PCNX2: variants seen among roughly 807,000 people sequenced by gnomAD.
PCNX2 encodes pecanex 2.
PCNX2 carries 168 observed loss-of-function variants against 223.8 expected under a neutral mutation model. The observed-to-expected ratio is 0.75, with a 90% CI of 0.66 to 0.85. The LOEUF (loss-of-function observed/expected upper bound fraction) is 0.85. PCNX2 is among the 40% of genes least tolerant of loss of function. PCNX2 has a pLI of 0.00. For synonymous variants in PCNX2, 1,006 were observed against 1,052.6 expected (o/e 0.96, Z 0.86); for missense variants, 2,507 against 2,675.5 (o/e 0.94, Z 1.39).
At chr1:233,168,682 A>AT (rs925899889) in intron 17 of PCNX2, among the ~76,000 whole-genome samples, 2 of 151,788 alleles carry the variant, frequency 1.3e-5, no homozygotes, top group Non-Finnish European at 1.5e-5. Flanking sequence ...TTATATACTA[A>AT]TTTTTTTTCA....
intron 1 of PCNX2, among the ~76,000 whole-genome samples, chr1:233,284,050 T>C (rs1490631375): frequency 2.0e-5 from 3 of 152,212 alleles, no homozygotes; most frequent in Non-Finnish European, 2.9e-5. Context: ...TAACTCATTT[T>C]AGAATAAGAA....
Position 233,134,822 on chromosome 1 carries a change from T to C in PCNX2, c.3837+191A>G, listed in dbSNP as rs1676714662. On this transcript the variant is annotated intron_variant, in intron 21 of 33. Coordinates refer to ENST00000258229, the MANE Select transcript of PCNX2 (RefSeq NM_014801.4). ...ATTTTAATTAGTGATTTTTAGCAAA[T>C]AACATGGCATACTTACATTCCATGG... The C allele has an allele frequency of 2.9e-5, 17 of 585,626 alleles. No homozygotes were observed. In the South Asian group the frequency reaches 3.9e-4, roughly 14 times the overall value. The allele number at this position is 585,626 out of a possible 1,614,324, so 36.3% of individuals were successfully genotyped here. A position where few individuals can be genotyped will look rare whatever the true frequency, so the allele number is the denominator to read the frequency against.
chr1:233,151,352 C>T (rs1677797602), intron 19 of PCNX2, among the ~76,000 whole-genome samples: 2 of 152,232 alleles, frequency 1.3e-5, no homozygotes, highest in African/African-American at 2.4e-5. Flanking sequence ...CCGACTGCAG[C>T]TGAGAACTAA....
intron 10 of PCNX2, among the ~76,000 whole-genome samples, chr1:233,221,306 G>A (rs934221323): frequency 2.0e-5 from 3 of 151,574 alleles, no homozygotes; most frequent in African/African-American, 7.3e-5. Context: ...GTGTGTTGAG[G>A]TCCATGAAAT....
At chr1:233,110,394 T>C (rs1050608412) in intron 21 of PCNX2, among the ~76,000 whole-genome samples, 6 of 152,218 alleles carry the variant, frequency 3.9e-5, no homozygotes, top group South Asian at 2.1e-4. Context: ...AGAACTGCCA[T>C]CTTGTGGAAC....
At position 233,218,128 on chromosome 1, in the gene PCNX2, A is replaced by G. The variant is rs1389806979; in HGVS notation, c.2561T>C (p.Leu854Pro). 6.9e-7 allele frequency: 1 copy of G among 1,458,860 alleles called. No homozygotes were observed. Among genetic ancestry groups the G allele is most frequent in the Admixed American group, 2.2e-5 (1 of 46,188 alleles). The allele number at this position is 1,458,860 out of a possible 1,614,324, so 90.4% of individuals were successfully genotyped here. A position where few individuals can be genotyped will look rare whatever the true frequency, so the allele number is the denominator to read the frequency against. ...LAILLIVLVS[L>P]LGFLTLSQGF... ...TTGGCTCAAGGTCAGAAATCCAAGG[A>G]GGGAAACCAGGACAATGAGTAAAAT... Residue 854 changes from leucine to proline, a missense_variant, in exon 11 of 34, where the codon CTC becomes CCC. Coordinates refer to ENST00000258229, the MANE Select transcript of PCNX2 (RefSeq NM_014801.4).
At chr1:233,222,019 C>CA (rs1558360424) in intron 10 of PCNX2, among the ~76,000 whole-genome samples, 1 of 151,818 alleles carries the variant, frequency 6.6e-6, no homozygotes, top group South Asian at 2.1e-4. Flanking sequence ...TAAGTATCAA[C>CA]AAAAAAGTTC....
intron 7 of PCNX2, among the ~76,000 whole-genome samples, chr1:233,251,207 T>C (rs970783883): frequency 1.2e-4 from 19 of 152,332 alleles, no homozygotes; most frequent in Admixed American, 7.2e-4. Context: ...GATTTTTTGG[T>C]ATACGAATAC....
chr1:233,142,024 AG>A (rs1677160512), intron 19 of PCNX2, among the ~76,000 whole-genome samples: 1 of 152,210 alleles, frequency 6.6e-6, no homozygotes, highest in African/African-American at 2.4e-5. Flanking sequence ...ACAGGGAGGA[AG>A]AGTGGGAGGA....
chr1:233,156,383 C>T (rs1678125361), intron 19 of PCNX2, among the ~76,000 whole-genome samples: 1 of 152,154 alleles, frequency 6.6e-6, no homozygotes, highest in South Asian at 2.1e-4. Context: ...TTTGTTCCAG[C>T]GACTACAGAG....
intron 1 of PCNX2, among the ~76,000 whole-genome samples, chr1:233,278,180 A>G (rs1426875035): frequency 6.7e-6 from 1 of 149,718 alleles, no homozygotes; most frequent in African/African-American, 2.5e-5. Context: ...CACGCAGTCA[A>G]CACTGGGCCC....
intron 25 of PCNX2, among the ~76,000 whole-genome samples, chr1:233,044,679 T>A (rs1015307127): frequency 1.3e-5 from 2 of 152,140 alleles, no homozygotes; most frequent in African/African-American, 4.8e-5. Flanking sequence ...CTTTCTTTTT[T>A]TTTTTTGAGA....
At chr1:233,121,114 A>G (rs1675762433) in intron 21 of PCNX2, among the ~76,000 whole-genome samples, 1 of 152,106 alleles carries the variant, frequency 6.6e-6, no homozygotes, top group Non-Finnish European at 1.5e-5. Context: ...GTGTGTATCA[A>G]TATAATAAAA....
At chr1:233,082,346 C>T (rs79462656) in intron 23 of PCNX2, among the ~76,000 whole-genome samples, 2,614 of 152,220 alleles carry the variant, frequency 0.017, 63 homozygotes, top group African/African-American at 0.059. Flanking sequence ...ATAATAGATC[C>T]AGGGCCCAAC....
chr1:233,027,437 G>C (rs886736765), intron 25 of PCNX2, among the ~76,000 whole-genome samples: 1 of 152,166 alleles, frequency 6.6e-6, no homozygotes, highest in African/African-American at 2.4e-5. Flanking sequence ...TCTCCTGTAC[G>C]CTGCTGAGCA....
At chr1:233,210,812 G>C (rs1020112244) in intron 12 of PCNX2, among the ~76,000 whole-genome samples, 2 of 152,094 alleles carry the variant, frequency 1.3e-5, no homozygotes, top group Admixed American at 6.5e-5. Context: ...ACACTGTAGG[G>C]AGCACCAGTG....
chr1:233,296,096 AC>A (rs150958818), upstream of PCNX2, among the ~76,000 whole-genome samples: 850 of 149,820 alleles, frequency 5.7e-3, 15 homozygotes, highest in East Asian at 0.055. Flanking sequence ...GAAGGCACAG[AC>A]CCAGGACACG....
chr1:233,201,614 C>T (rs1681121719), intron 13 of PCNX2: 1 of 152,186 alleles, frequency 6.6e-6, no homozygotes, highest in Non-Finnish European at 1.5e-5. Context: ...TCTGCCAATT[C>T]CGGATCAGGG....
chr1:233,085,138 G>A (rs1673536645), intron 23 of PCNX2, among the ~76,000 whole-genome samples: 1 of 152,126 alleles, frequency 6.6e-6, no homozygotes, highest in African/African-American at 2.4e-5. Flanking sequence ...TTCAAGACTA[G>A]CCTGAACAAC....
Sources: allele counts gnomAD v4.1 joint callset (sites outside exome capture counted in the v4.1 genomes callset), GRCh38; gene constraint gnomAD v4.1.1; transcripts MANE v1.5; gene names NCBI Gene and HGNC (gene_info 2026-07-23, HGNC 2026-07-21).